The following ZMAT4 variants were observed in gnomAD, a reference collection of about 807,000 sequenced individuals.
The protein encoded by ZMAT4 is zinc finger matrin-type 4.
A neutral mutation model predicts 28.7 loss-of-function variants in ZMAT4; 17 were observed. That is an observed-to-expected ratio of 0.59 (90% CI 0.41 to 0.89). The LOEUF (loss-of-function observed/expected upper bound fraction) is 0.89. Among genes scored for constraint, ZMAT4 ranks in the 40% least tolerant of loss-of-function variants. The probability of loss-of-function intolerance (pLI) is 0.00; values close to 1 mark genes in which losing one functional copy is unlikely to be tolerated. For synonymous variants in ZMAT4, 117 were observed against 109.2 expected, an observed-to-expected ratio of 1.07 and a Z score of -0.44; for missense variants, 240 against 283.8, an observed-to-expected ratio of 0.85 and a Z score of 1.11.
At chr8:40,781,237 A>G (rs1056127709) in intron 2 of ZMAT4, among the ~76,000 whole-genome samples, 2 of 152,196 alleles carry the variant, frequency 1.3e-5, no homozygotes, top group Non-Finnish European at 2.9e-5. Context: ...ACAATTAACA[A>G]TCTAAAAATG....
At chr8:40,550,596 T>C (rs1261427093) in intron 6 of ZMAT4, among the ~76,000 whole-genome samples, 1 of 152,100 alleles carries the variant, frequency 6.6e-6, no homozygotes, top group African/African-American at 2.4e-5. Flanking sequence ...ATGAGGGTGG[T>C]TTCCCTCATG....
At chr8:40,533,117 C>T (rs546427490) in intron 6 of ZMAT4, among the ~76,000 whole-genome samples, 1 of 152,236 alleles carries the variant, frequency 6.6e-6, no homozygotes, top group Non-Finnish European at 1.5e-5. Context: ...TACAACATGC[C>T]TACTACGAGT....
intron 1 of ZMAT4, among the ~76,000 whole-genome samples, chr8:40,828,008 C>A (rs1025867015): frequency 6.6e-6 from 1 of 152,192 alleles, no homozygotes; most frequent in African/African-American, 2.4e-5. Flanking sequence ...TCCTACCCAG[C>A]CTCATCATCT....
intron 2 of ZMAT4, among the ~76,000 whole-genome samples, chr8:40,780,986 C>T (rs1376304885): frequency 1.3e-5 from 2 of 152,158 alleles, no homozygotes; most frequent in African/African-American, 2.4e-5. Flanking sequence ...AAGAACATCC[C>T]CTTTTGCCAC....
rs1388831603 is a variant in ZMAT4 at position 40,532,026 on chromosome 8, C to A, written c.*197G>T. 4 of 419,304 alleles carry A rather than the reference C, an allele frequency of 9.5e-6. No homozygotes were observed. The highest frequency in any genetic ancestry group is 4.1e-6 in the Non-Finnish European group (1 of 244,160). The allele number at this position is 419,304 out of a possible 1,614,324, so 26.0% of individuals were successfully genotyped here. The stretch of plus-strand genomic sequence containing the variant: ...ATCCATCCAAATATCATAACTTACC[C>A]CAAAATTAAAAAAAGGAAAAAGAAA... On this transcript the variant is annotated 3_prime_UTR_variant, in exon 7 of 7. Coordinates refer to ENST00000297737, the MANE Select transcript of ZMAT4 (RefSeq NM_024645.3).
intron 3 of ZMAT4, among the ~76,000 whole-genome samples, chr8:40,742,801 G>A (rs944845410): frequency 1.5e-4 from 23 of 150,788 alleles, no homozygotes; most frequent in Admixed American, 6.6e-4. Flanking sequence ...ACAAACAGCC[G>A]TCTCAAAGTT....
chr8:40,560,673 C>G (rs1803707288), intron 6 of ZMAT4, among the ~76,000 whole-genome samples: 1 of 152,052 alleles, frequency 6.6e-6, no homozygotes, highest in Admixed American at 6.6e-5. Context: ...CAAGGACAGC[C>G]AGCCACTTAT....
chr8:40,536,567 A>G (rs1478128811), intron 6 of ZMAT4, among the ~76,000 whole-genome samples: 6 of 152,176 alleles, frequency 3.9e-5, no homozygotes, highest in Non-Finnish European at 7.3e-5. Context: ...TGGATCACAG[A>G]AAATCAGGTG....
intron 2 of ZMAT4, among the ~76,000 whole-genome samples, chr8:40,785,067 G>A (rs953704349): frequency 3.3e-5 from 5 of 152,274 alleles, no homozygotes; most frequent in Non-Finnish European, 5.9e-5. Flanking sequence ...CCAAGATCAC[G>A]CATTGCATAT....
intron 3 of ZMAT4, among the ~76,000 whole-genome samples, chr8:40,724,042 C>T (rs933913588): frequency 6.6e-6 from 1 of 152,162 alleles, no homozygotes; most frequent in African/African-American, 2.4e-5. Flanking sequence ...AGCAACTCTG[C>T]TTAGTTTATG....
chr8:40,894,831 C>T (rs915825491), intron 1 of ZMAT4, among the ~76,000 whole-genome samples: 3 of 151,900 alleles, frequency 2.0e-5, no homozygotes, highest in African/African-American at 7.3e-5. Flanking sequence ...ACACAATAGG[C>T]GTGCTTATTA....
At chr8:40,725,607 A>C (rs905739395) in intron 3 of ZMAT4, among the ~76,000 whole-genome samples, 1 of 152,106 alleles carries the variant, frequency 6.6e-6, no homozygotes, top group Admixed American at 6.6e-5. Flanking sequence ...ATTCGCTGGG[A>C]TGCTTTCACT....
intron 2 of ZMAT4, among the ~76,000 whole-genome samples, chr8:40,803,328 C>T (rs1814933782): frequency 6.6e-6 from 1 of 152,122 alleles, no homozygotes. Context: ...ATTTCTGCTT[C>T]TGTCTTAATT....
chr8:40,883,406 C>A (rs1818346216), intron 1 of ZMAT4, among the ~76,000 whole-genome samples: 1 of 152,172 alleles, frequency 6.6e-6, no homozygotes, highest in Non-Finnish European at 1.5e-5. Context: ...TCCCGGACTA[C>A]CTGGAATGTC....
At chr8:40,851,878 C>A (rs1483561845) in intron 1 of ZMAT4, among the ~76,000 whole-genome samples, 7 of 152,090 alleles carry the variant, frequency 4.6e-5, no homozygotes, top group Admixed American at 2.0e-4. Context: ...TTCCTCCTAT[C>A]TAGCTGCAAT....
chr8:40,802,736 G>A (rs1814906405), intron 2 of ZMAT4, among the ~76,000 whole-genome samples: 1 of 152,064 alleles, frequency 6.6e-6, no homozygotes, highest in Non-Finnish European at 1.5e-5. Flanking sequence ...CTACAGTTTA[G>A]ACAGAGAGGC....
At chr8:40,555,270 A>G (rs892716433) in intron 6 of ZMAT4, among the ~76,000 whole-genome samples, 2 of 152,206 alleles carry the variant, frequency 1.3e-5, no homozygotes, top group African/African-American at 4.8e-5. Flanking sequence ...TACTGCCACA[A>G]TAAACATGTG....
intron 3 of ZMAT4, among the ~76,000 whole-genome samples, chr8:40,766,312 T>C (rs1163641689): frequency 2.0e-5 from 3 of 152,242 alleles, no homozygotes; most frequent in African/African-American, 7.2e-5. Context: ...ACACTGCGTC[T>C]TATTTAGCTG....
chr8:40,731,829 A>G (rs1811555569), intron 3 of ZMAT4, among the ~76,000 whole-genome samples: 1 of 152,246 alleles, frequency 6.6e-6, no homozygotes, highest in Admixed American at 6.5e-5. Context: ...TTCAGTGTCC[A>G]TGGATGGATG....
Sources: gnomAD v4.1 joint callset for allele counts (sites outside exome capture counted in the v4.1 genomes callset) on GRCh38, gnomAD v4.1.1 for gene constraint, MANE v1.5 for transcripts, NCBI Gene and HGNC (gene_info 2026-07-23, HGNC 2026-07-21) for gene names.